ANKS1B: variants seen among roughly 807,000 people sequenced by gnomAD.
ANKS1B encodes the protein ankyrin repeat and sterile alpha motif domain-containing protein 1B.
A neutral mutation model predicts 148.3 loss-of-function variants in ANKS1B; 36 were observed. The observed-to-expected ratio is 0.24, with a 90% CI of 0.19 to 0.32. The LOEUF is 0.32. Ranked by LOEUF, ANKS1B falls within the 10% of genes least tolerant of loss-of-function variation. The probability of loss-of-function intolerance (pLI) is 1.00; values close to 1 mark genes in which losing one functional copy is unlikely to be tolerated. For missense variants in ANKS1B, 1,157 were observed against 1,542.6 expected (o/e 0.75, Z 4.19); for synonymous variants, 542 against 560.8 (o/e 0.97, Z 0.47).
intron 12 of ANKS1B, chr12:99,344,938 C>T (rs2090457022): frequency 6.6e-6 from 1 of 151,996 alleles, no homozygotes; most frequent in South Asian, 2.1e-4. Context: ...CTGCTGTTTT[C>T]AAATGGCTTG....
chr12:99,716,016 A>C (rs1171510568), intron 8 of ANKS1B, among the ~76,000 whole-genome samples: 1 of 152,126 alleles, frequency 6.6e-6, no homozygotes, highest in Admixed American at 6.5e-5. Context: ...CTGACCACGC[A>C]GGGATGCCTG....
chr12:99,751,650 C>T (rs993023883), intron 8 of ANKS1B, among the ~76,000 whole-genome samples: 1 of 151,994 alleles, frequency 6.6e-6, no homozygotes, highest in African/African-American at 2.4e-5. Flanking sequence ...ATGTGGCAGG[C>T]CCCATACCAG....
intron 1 of ANKS1B, among the ~76,000 whole-genome samples, chr12:99,882,032 A>T (rs1402567763): frequency 6.6e-6 from 1 of 152,194 alleles, no homozygotes; most frequent in Non-Finnish European, 1.5e-5. Flanking sequence ...TATTAAAAAC[A>T]CTCTTGAAAT....
rs560153395 is a variant in ANKS1B, at chr12:99,969,051, C to T, written c.134+15053G>A. On this transcript the variant is annotated intron_variant, in intron 1 of 26. Coordinates refer to ENST00000683438, the MANE Select transcript of ANKS1B (RefSeq NM_001352186.2). ...CCTCAGGTATTTCTTTATAGCAACA[C>T]AAGAACTGACACACTCGCCCATCTG... 9.2e-4 allele frequency among the ~76,000 whole-genome samples: 140 copies of T among 152,314 alleles called. 1 individual carries two copies. Among genetic ancestry groups the T allele is most frequent in the African/African-American group, 3.2e-3 (133 of 41,576 alleles).
chr12:99,819,283 G>C (rs2082225875), intron 2 of ANKS1B, among the ~76,000 whole-genome samples: 1 of 151,932 alleles, frequency 6.6e-6, no homozygotes, highest in East Asian at 1.9e-4. Context: ...CTAGATTACA[G>C]AGTGAATAAA....
chr12:99,295,061 C>T (rs2080673751), intron 12 of ANKS1B, among the ~76,000 whole-genome samples: 1 of 152,150 alleles, frequency 6.6e-6, no homozygotes, highest in Admixed American at 6.5e-5. Flanking sequence ...CTCATCTACC[C>T]CATAAATACA....
rs71088139 is a variant in ANKS1B at position 99,692,668 on chromosome 12, CAAAAAAAA to C, written c.1129-37466_1129-37459del. Among the ~76,000 whole-genome samples, 30 of 128,436 alleles carry C rather than the reference CAAAAAAAA, an allele frequency of 2.3e-4. No homozygotes were observed. The South Asian group carries it at 7.7e-3, about 33-fold the overall frequency. The allele number at this position is 128,436 out of a possible 152,430, so 84.3% of individuals were successfully genotyped here. A position where few individuals can be genotyped will look rare whatever the true frequency, so the allele number is the denominator to read the frequency against. ...CCTGGGTGACAGAGCAAGATTCTGT[CAAAAAAAA>C]AAAAAAAAGGAAAAGAAAAAGAAAT... On this transcript the variant is annotated intron_variant, in intron 8 of 26. Transcript: ENST00000683438.
At chr12:99,895,306 G>A (rs1047621026) in intron 1 of ANKS1B, among the ~76,000 whole-genome samples, 1 of 150,384 alleles carries the variant, frequency 6.6e-6, no homozygotes, top group Non-Finnish European at 1.5e-5. Context: ...GAACCAACGG[G>A]ATAGAGAAAT....
At chr12:99,338,905 T>C (rs914639353) in intron 12 of ANKS1B, among the ~76,000 whole-genome samples, 2 of 151,876 alleles carry the variant, frequency 1.3e-5, no homozygotes, top group African/African-American at 4.8e-5. Context: ...TATTTCCGAG[T>C]TGAAAGATGA....
intron 17 of ANKS1B, among the ~76,000 whole-genome samples, chr12:98,873,856 T>C (rs2099679537): frequency 6.6e-6 from 1 of 152,156 alleles, no homozygotes; most frequent in Non-Finnish European, 1.5e-5. Context: ...GTGTGCTCTC[T>C]TCCAAAGGGC....
intron 12 of ANKS1B, among the ~76,000 whole-genome samples, chr12:99,383,759 T>G (rs1358183127): frequency 6.7e-6 from 1 of 148,740 alleles, no homozygotes; most frequent in East Asian, 2.0e-4. Context: ...ATGCCTGTAA[T>G]GCCAGCACTT....
intron 2 of ANKS1B, among the ~76,000 whole-genome samples, chr12:99,823,216 G>A (rs2082721592): frequency 6.6e-6 from 1 of 152,054 alleles, no homozygotes; most frequent in Admixed American, 6.6e-5. Context: ...CATAGTTTAT[G>A]AATATTTTCT....
At chr12:98,831,833 T>C in intron 18 of ANKS1B, 196 bp downstream of exon 18, 1 of 611,890 alleles carries the variant, frequency 1.6e-6, no homozygotes, top group Non-Finnish European at 3.0e-6. Context: ...ACTGCAATGC[T>C]CCGCCTTCTG....
rs575577870 is a variant in ANKS1B, at chr12:99,722,576, C to T, written c.1128+50346G>A. Among the ~76,000 whole-genome samples the T allele has an allele frequency of 5.9e-5, 9 of 152,266 alleles. No individual in the cohort carries two copies. The East Asian group carries it at 9.7e-4, about 16-fold the overall frequency. On this transcript the variant is annotated intron_variant, in intron 8 of 26. Transcript: ENST00000683438. ...TTCCTTTCAAATTATTATTGCTCAT[C>T]GACAATGCACCTAATTACCCAAGAG...
chr12:98,754,943 CTT>C (rs1384175997), intron 25 of ANKS1B, among the ~76,000 whole-genome samples: 1 of 152,168 alleles, frequency 6.6e-6, no homozygotes, highest in Non-Finnish European at 1.5e-5. Flanking sequence ...TTTTAGAATG[CTT>C]TGTCAAGTTT....
chr12:99,273,075 A>G (rs1473279892), intron 12 of ANKS1B, among the ~76,000 whole-genome samples: 1 of 152,200 alleles, frequency 6.6e-6, no homozygotes, highest in Non-Finnish European at 1.5e-5. Flanking sequence ...ACTGGTCTGT[A>G]GACATTCTGA....
At chr12:99,869,892 C>T (rs1414933950) in intron 1 of ANKS1B, among the ~76,000 whole-genome samples, 1 of 152,002 alleles carries the variant, frequency 6.6e-6, no homozygotes, top group East Asian at 1.9e-4. Context: ...TTTATATAAG[C>T]AAAATTTTCT....
At chr12:99,772,606 T>A (rs1262342596) in intron 8 of ANKS1B, 2 of 182,338 alleles carry the variant, frequency 1.1e-5, no homozygotes, top group Non-Finnish European at 2.3e-5. Context: ...TTTTGTCTTT[T>A]TTTGGGAACC....
chr12:98,958,411 T>C (rs1007250436), intron 17 of ANKS1B, among the ~76,000 whole-genome samples: 4 of 152,328 alleles, frequency 2.6e-5, no homozygotes, highest in African/African-American at 7.2e-5. Context: ...TCGAATGTGA[T>C]AGGCAGTCAA....
Sources: gnomAD v4.1 joint callset for allele counts (sites outside exome capture counted in the v4.1 genomes callset) on GRCh38, gnomAD v4.1.1 for gene constraint, MANE v1.5 for transcripts, NCBI Gene and HGNC (gene_info 2026-07-23, HGNC 2026-07-21) for gene names.